Variants in CCSER1 observed in about 807,000 individuals in gnomAD.
CCSER1 encodes coiled-coil serine rich protein 1, also known as serine-rich coiled-coil domain-containing protein 1.
In CCSER1, 41 loss-of-function variants were observed where a neutral mutation model predicts 82.0. That is an observed-to-expected ratio of 0.50 (90% CI 0.39 to 0.65). The LOEUF (loss-of-function observed/expected upper bound fraction) is 0.65. Among genes scored for constraint, CCSER1 ranks in the 30% least tolerant of loss-of-function variants. CCSER1 has a pLI of 0.00. For missense variants in CCSER1, 1,119 were observed against 1,064.2 expected, an observed-to-expected ratio of 1.05 and a Z score of -0.72; for synonymous variants, 414 against 383.9, an observed-to-expected ratio of 1.08 and a Z score of -0.92.
intron 10 of CCSER1, among the ~76,000 whole-genome samples, chr4:91,522,693 G>C (rs536769791): frequency 6.6e-6 from 1 of 152,150 alleles, no homozygotes; most frequent in East Asian, 1.9e-4. Flanking sequence ...TTGGTGTATA[G>C]GAATGCTTGT....
intron 10 of CCSER1, among the ~76,000 whole-genome samples, chr4:91,232,444 A>G (rs929763184): frequency 7.9e-5 from 12 of 151,922 alleles, no homozygotes; most frequent in Admixed American, 2.0e-4. Flanking sequence ...TATCCATAAG[A>G]TATATTAAGG....
At chr4:91,013,983 A>G (rs1360963720) in intron 9 of CCSER1, among the ~76,000 whole-genome samples, 1 of 132,534 alleles carries the variant, frequency 7.5e-6, no homozygotes, top group African/African-American at 2.5e-5. Context: ...AAAAATGCCA[A>G]GGGATTTTCA....
At chr4:91,409,517 A>T (rs916149334) in intron 10 of CCSER1, among the ~76,000 whole-genome samples, 1 of 152,134 alleles carries the variant, frequency 6.6e-6, no homozygotes, top group Non-Finnish European at 1.5e-5. Context: ...GTTCTATTTT[A>T]AAAAATTTTC....
intron 10 of CCSER1, among the ~76,000 whole-genome samples, chr4:91,172,959 C>T (rs1732922787): frequency 6.6e-6 from 1 of 152,034 alleles, no homozygotes; most frequent in South Asian, 2.1e-4. Flanking sequence ...CTCCAGAATG[C>T]ACTTTGCATG....
intron 10 of CCSER1, among the ~76,000 whole-genome samples, chr4:91,120,062 C>T (rs1726951876): frequency 6.6e-6 from 1 of 151,838 alleles, no homozygotes; most frequent in African/African-American, 2.4e-5. Flanking sequence ...TAATATAGAG[C>T]TATTAAGCCA....
chr4:90,614,990 T>G (rs991340767), intron 5 of CCSER1, among the ~76,000 whole-genome samples: 4 of 152,184 alleles, frequency 2.6e-5, no homozygotes, highest in African/African-American at 4.8e-5. Flanking sequence ...TGACTTTAAG[T>G]TGAAGCCAAG....
intron 3 of CCSER1, among the ~76,000 whole-genome samples, chr4:90,315,445 T>C (rs980105868): frequency 3.3e-5 from 5 of 152,208 alleles, no homozygotes; most frequent in African/African-American, 1.2e-4. Context: ...CCATCTTCCT[T>C]TGGATTTTAC....
At chr4:91,241,547 C>T (rs1401879604) in intron 10 of CCSER1, among the ~76,000 whole-genome samples, 7 of 146,258 alleles carry the variant, frequency 4.8e-5, no homozygotes, top group African/African-American at 1.7e-4. Flanking sequence ...AGGATGGTCT[C>T]GATCTCCTGA....
At chr4:91,286,671 T>G (rs1201778455) in intron 10 of CCSER1, among the ~76,000 whole-genome samples, 3 of 143,218 alleles carry the variant, frequency 2.1e-5, no homozygotes, top group Non-Finnish European at 4.8e-5. Flanking sequence ...CTGATTTCAA[T>G]TTGGTTATTG....
intron 5 of CCSER1, among the ~76,000 whole-genome samples, chr4:90,551,678 T>TCTCTCTCTCTC (rs1777494183): frequency 1.1e-5 from 1 of 88,570 alleles, no homozygotes; most frequent in Non-Finnish European, 2.1e-5. Flanking sequence ...AAAAATATAA[T>TCTCTCTCTCTC]TCTCTCTCTC....
rs1022901530 is a variant in CCSER1 at position 90,150,765 on chromosome 4, C to A, written c.-42+22934C>A. ...TCTATGTAAATATCCATATAGAAAA[C>A]ACATTTGAAGCTGTGCACTGGGTTT... On this transcript the variant is annotated intron_variant, in intron 1 of 10. Coordinates refer to ENST00000509176, the MANE Select transcript of CCSER1 (RefSeq NM_001145065.2). 2.0e-5 allele frequency among the ~76,000 whole-genome samples: 3 copies of A among 152,130 alleles called. No individual in the cohort carries two copies. The East Asian group carries it at 5.8e-4, about 29-fold the overall frequency.
chr4:90,907,079 A>T (rs964799169), intron 8 of CCSER1, among the ~76,000 whole-genome samples: 1 of 152,144 alleles, frequency 6.6e-6, no homozygotes, highest in African/African-American at 2.4e-5. Context: ...TCTTCTCTGA[A>T]CTGAAGTGAC....
chr4:91,293,808 G>T (rs528650524), intron 10 of CCSER1, among the ~76,000 whole-genome samples: 2 of 152,002 alleles, frequency 1.3e-5, no homozygotes, highest in African/African-American at 4.8e-5. Flanking sequence ...ACATTAAAAA[G>T]AATAGCAAAA....
chr4:90,374,969 G>A (rs951909351), intron 3 of CCSER1, among the ~76,000 whole-genome samples: 2 of 152,026 alleles, frequency 1.3e-5, no homozygotes, highest in Non-Finnish European at 2.9e-5. Context: ...TTTGGAATGG[G>A]CTCCTAAATA....
At chr4:91,547,881 T>C (rs1404315287) in intron 10 of CCSER1, among the ~76,000 whole-genome samples, 1 of 151,832 alleles carries the variant, frequency 6.6e-6, no homozygotes, top group Non-Finnish European at 1.5e-5. Flanking sequence ...TCCTGGGTTC[T>C]AGCAATTCTC....
intron 6 of CCSER1, among the ~76,000 whole-genome samples, chr4:90,637,981 A>C (rs1378391232): frequency 6.6e-6 from 1 of 152,096 alleles, no homozygotes; most frequent in African/African-American, 2.4e-5. Flanking sequence ...TTGCCTGTGA[A>C]CCTTATTCGG....
intron 5 of CCSER1, among the ~76,000 whole-genome samples, chr4:90,597,712 A>T (rs1290582009): frequency 6.6e-6 from 1 of 152,122 alleles, no homozygotes; most frequent in East Asian, 1.9e-4. Context: ...AACACAAAAC[A>T]ATGTTATCAA....
chr4:91,226,223 G>C (rs994376032), intron 10 of CCSER1, among the ~76,000 whole-genome samples: 6 of 151,784 alleles, frequency 4.0e-5, no homozygotes, highest in African/African-American at 1.5e-4. Context: ...AGTGGTCAAG[G>C]AAAAATGCAA....
intron 8 of CCSER1, among the ~76,000 whole-genome samples, chr4:90,824,902 CAT>C (rs1760209896): frequency 6.6e-6 from 1 of 152,032 alleles, no homozygotes. Flanking sequence ...GAATTAATTG[CAT>C]ATATTCCAGA....
Sources: allele counts gnomAD v4.1 joint callset (sites outside exome capture counted in the v4.1 genomes callset), GRCh38; gene constraint gnomAD v4.1.1; transcripts MANE v1.5; gene names NCBI Gene and HGNC (gene_info 2026-07-23, HGNC 2026-07-21).